Variants in RBFOX3 observed in about 807,000 individuals in gnomAD.
RBFOX3 encodes RNA binding protein fox-1 homolog 3.
A neutral mutation model predicts 48.7 loss-of-function variants in RBFOX3; 17 were observed. That is an observed-to-expected ratio of 0.35 (90% CI 0.24 to 0.52). The LOEUF (loss-of-function observed/expected upper bound fraction) is 0.52. Among genes scored for constraint, RBFOX3 ranks in the 20% least tolerant of loss-of-function variants. The probability of loss-of-function intolerance (pLI) is 0.94; values close to 1 mark genes in which losing one functional copy is unlikely to be tolerated. For missense variants in RBFOX3, 382 were observed against 497.5 expected, an observed-to-expected ratio of 0.77 and a Z score of 2.21; for synonymous variants, 212 against 209.5, an observed-to-expected ratio of 1.01 and a Z score of -0.10.
chr17:79,483,841 T>C (rs1489271717), intron 1 of RBFOX3, among the ~76,000 whole-genome samples: 1 of 152,178 alleles, frequency 6.6e-6, no homozygotes, highest in Admixed American at 6.5e-5. Context: ...TCTGGGTTTA[T>C]TTAGAATCAT....
At chr17:79,123,534 T>C (rs2036330246) in intron 4 of RBFOX3, among the ~76,000 whole-genome samples, 1 of 151,880 alleles carries the variant, frequency 6.6e-6, no homozygotes, top group African/African-American at 2.4e-5. Flanking sequence ...ATCTCCGGCA[T>C]CCAGAGCAGT....
intron 2 of RBFOX3, among the ~76,000 whole-genome samples, chr17:79,400,284 A>T (rs1217563791): frequency 1.3e-5 from 2 of 152,020 alleles, no homozygotes; most frequent in Non-Finnish European, 2.9e-5. Flanking sequence ...CTCCGGATAG[A>T]ATTCTTCCTC....
intron 2 of RBFOX3, among the ~76,000 whole-genome samples, chr17:79,414,816 C>A (rs2065051054): frequency 6.6e-6 from 1 of 152,250 alleles, no homozygotes; most frequent in Non-Finnish European, 1.5e-5. Flanking sequence ...GGCTTTGTAG[C>A]TCCTTGCTGA....
In RBFOX3 at chr17:79,192,272, G is replaced by C. The variant is rs540609060; in HGVS notation, c.-34+43494C>G. ...TGAGGGCCCTATGCTGCTCTTAGCCGCTCCCGGCCTTTCCTCCCACTGAGA... is the reference window on the plus strand; with the variant it reads ...TGAGGGCCCTATGCTGCTCTTAGCCCCTCCCGGCCTTTCCTCCCACTGAGA... On this transcript the variant is annotated intron_variant, in intron 4 of 14. Transcript: ENST00000693108. Among the ~76,000 whole-genome samples the C allele has an allele frequency of 3.3e-5, 5 of 152,166 alleles. No individual in the cohort carries two copies. In the South Asian group the frequency reaches 6.2e-4, roughly 19 times the overall value.
At chr17:79,288,723 A>G (rs1175081352) in intron 3 of RBFOX3, among the ~76,000 whole-genome samples, 1 of 152,012 alleles carries the variant, frequency 6.6e-6, no homozygotes, top group African/African-American at 2.4e-5. Flanking sequence ...CCACAGCGAC[A>G]TGCTCTCCTG....
intron 4 of RBFOX3, among the ~76,000 whole-genome samples, chr17:79,192,625 T>C (rs529313576): frequency 2.6e-5 from 4 of 152,096 alleles, no homozygotes; most frequent in Non-Finnish European, 5.9e-5. Flanking sequence ...GCTGAAACCC[T>C]CCTGGCAGCA....
intron 4 of RBFOX3, among the ~76,000 whole-genome samples, chr17:79,186,289 C>T (rs555926444): frequency 1.2e-4 from 18 of 152,242 alleles, no homozygotes; most frequent in African/African-American, 4.3e-4. Flanking sequence ...AGGATCTGAA[C>T]GTGTGTGTTT....
chr17:79,118,948 C>T (rs1352881823), intron 4 of RBFOX3, among the ~76,000 whole-genome samples: 1 of 149,130 alleles, frequency 6.7e-6, no homozygotes, highest in Non-Finnish European at 1.5e-5. Context: ...TGTGGTCCAG[C>T]CAGGGTGACA....
chr17:79,101,718 C>T (rs1450435759), intron 8 of RBFOX3, 74 bp from the exon 9 acceptor site: 7 of 1,328,110 alleles, frequency 5.3e-6, no homozygotes, highest in East Asian at 2.5e-5. Flanking sequence ...CACTCCTCCC[C>T]GCCCTGCTCC....
At chr17:79,172,106 G>A (rs1448724336) in intron 4 of RBFOX3, among the ~76,000 whole-genome samples, 3 of 148,718 alleles carry the variant, frequency 2.0e-5, no homozygotes, top group Non-Finnish European at 4.5e-5. Context: ...CCCGGGAGGT[G>A]GAGGTTGCAG....
intron 1 of RBFOX3, among the ~76,000 whole-genome samples, chr17:79,589,637 C>G (rs1267986479): frequency 2.6e-5 from 4 of 152,184 alleles, no homozygotes; most frequent in Non-Finnish European, 5.9e-5. Context: ...CTGGGACGCC[C>G]TGGGGGCTGT....
the RBFOX3 span, among the ~76,000 whole-genome samples, chr17:79,656,763 AAGG>A: frequency 8.5e-3 from 327 of 38,494 alleles, 9 homozygotes; most frequent in Non-Finnish European, 0.017. Flanking sequence ...GGAAGGAAGG[AAGG>A]AAGGAAGGAA....
At chr17:79,168,654 A>G (rs1357971124) in intron 4 of RBFOX3, among the ~76,000 whole-genome samples, 1 of 152,214 alleles carries the variant, frequency 6.6e-6, no homozygotes, top group African/African-American at 2.4e-5. Context: ...CCGCTGATGA[A>G]TGCACTGAGG....
At chr17:79,369,314 G>T (rs1412598969) in intron 2 of RBFOX3, among the ~76,000 whole-genome samples, 2 of 151,924 alleles carry the variant, frequency 1.3e-5, no homozygotes, top group African/African-American at 4.8e-5. Context: ...TTCTACCACA[G>T]TCTGCCCCCA....
chr17:79,516,857 G>A (rs1422705523), intron 1 of RBFOX3, among the ~76,000 whole-genome samples: 2 of 152,178 alleles, frequency 1.3e-5, no homozygotes, highest in Non-Finnish European at 2.9e-5. Context: ...CCTCGAAAAC[G>A]TGACGCCGAG....
chr17:79,448,536 C>G (rs543547069), intron 2 of RBFOX3, among the ~76,000 whole-genome samples: 1 of 152,298 alleles, frequency 6.6e-6, no homozygotes, highest in Non-Finnish European at 1.5e-5. Context: ...CAAGGAACAC[C>G]TGGGGCCGAG....
At chr17:79,503,350 C>A (rs1598965754) in intron 1 of RBFOX3, among the ~76,000 whole-genome samples, 1 of 152,204 alleles carries the variant, frequency 6.6e-6, no homozygotes, top group African/African-American at 2.4e-5. Context: ...CACAGCCACC[C>A]AAAAGCGTCT....
At chr17:79,326,867 AC>A (rs959062736) in intron 2 of RBFOX3, among the ~76,000 whole-genome samples, 17 of 152,246 alleles carry the variant, frequency 1.1e-4, no homozygotes, top group African/African-American at 4.1e-4. Flanking sequence ...GCATTTTGAC[AC>A]TACTGAACCT....
intron 14 of RBFOX3, 88 bp from the exon 15 acceptor site, chr17:79,090,973 C>A: frequency 7.2e-7 from 1 of 1,392,638 alleles, no homozygotes; most frequent in Non-Finnish European, 9.7e-7. Context: ...GGCACGGGGC[C>A]CCTGGCCTAA....
Sources: gnomAD v4.1 joint callset for allele counts (sites outside exome capture counted in the v4.1 genomes callset) on GRCh38, gnomAD v4.1.1 for gene constraint, MANE v1.5 for transcripts, NCBI Gene and HGNC (gene_info 2026-07-23, HGNC 2026-07-21) for gene names.